Variants in CNGA3 observed in about 807,000 individuals in gnomAD.
The protein encoded by CNGA3 is cyclic nucleotide gated channel subunit alpha 3.
In CNGA3, 42 loss-of-function variants were observed where a neutral mutation model predicts 46.6. The observed-to-expected ratio is 0.90, with a 90% CI of 0.70 to 1.17. CNGA3 has a LOEUF of 1.17. Among genes scored for constraint, CNGA3 ranks in the 50% most tolerant of loss-of-function variants. The pLI, the probability that CNGA3 is intolerant of heterozygous loss-of-function variation, is 0.00. For missense variants in CNGA3, 893 were observed against 890.7 expected, an observed-to-expected ratio of 1.00 and a Z score of -0.03; for synonymous variants, 394 against 369.4, an observed-to-expected ratio of 1.07 and a Z score of -0.76.
At chr2:98,391,590 G>A in intron 6 of CNGA3, among the ~76,000 whole-genome samples, 1 of 152,156 alleles carries the variant, frequency 6.6e-6, no homozygotes, top group Non-Finnish European at 1.5e-5. Context: ...GTACCTCCTG[G>A]GATCTTGTAG....
At chr2:98,388,742 GA>G (rs1692716958) in intron 5 of CNGA3, among the ~76,000 whole-genome samples, 1 of 152,242 alleles carries the variant, frequency 6.6e-6, no homozygotes, top group Non-Finnish European at 1.5e-5. Flanking sequence ...TGGGGCACTG[GA>G]AGATACAATG....
chr2:98,383,871 T>C (rs1692589988), intron 5 of CNGA3, among the ~76,000 whole-genome samples: 1 of 152,190 alleles, frequency 6.6e-6, no homozygotes, highest in East Asian at 1.9e-4. Context: ...TTGTTTTTGC[T>C]GCTGTTGTTA....
chr2:98,365,704 T>TTGA (rs1394140007), intron 1 of CNGA3, among the ~76,000 whole-genome samples: 1 of 152,206 alleles, frequency 6.6e-6, no homozygotes, highest in East Asian at 1.9e-4. Flanking sequence ...TATTTGGCCA[T>TTGA]TGATACTTGT....
chr2:98,366,604 G>A (rs1453977546), intron 1 of CNGA3, among the ~76,000 whole-genome samples: 6 of 152,234 alleles, frequency 3.9e-5, no homozygotes, highest in Non-Finnish European at 7.3e-5. Context: ...ATTCCAGCGG[G>A]GAGGCCCTGC....
intron 2 of CNGA3, among the ~76,000 whole-genome samples, chr2:98,377,056 C>T (rs140890164): frequency 2.2e-4 from 33 of 152,220 alleles, no homozygotes; most frequent in Admixed American, 1.1e-3. Flanking sequence ...GCAAAAGGGA[C>T]GAGGGGAAGT....
chr2:98,362,549 T>C (rs1692058794), intron 1 of CNGA3, among the ~76,000 whole-genome samples: 2 of 152,152 alleles, frequency 1.3e-5, no homozygotes, highest in Non-Finnish European at 2.9e-5. Flanking sequence ...TGCTGGATGT[T>C]AGACCTTTGC....
chr2:98,396,510 A>G lies in CNGA3; in HGVS notation c.1340A>G (p.Asn447Ser). Residue 447 changes from asparagine to serine, a missense_variant, in exon 8 of 8, where the codon AAC becomes AGC. By Grantham distance (46) the Asn-to-Ser change is conservative. Around this residue, in one of 3 missense-constraint regions of CNGA3, gnomAD observed 548 missense variants for 570.8 expected, o/e 0.96. Transcript: ENST00000272602. ...VIRWFDYLWA[N>S]KKTVDEKEVL... is the part of the protein sequence containing the mutation. Reference sequence around the variant, plus strand: ...CGGTGGTTTGACTACCTGTGGGCCAACAAGAAGACGGTGGATGAGAAGGAG... The same window carrying G: ...CGGTGGTTTGACTACCTGTGGGCCAGCAAGAAGACGGTGGATGAGAAGGAG... 1 of 1,614,050 alleles carries G rather than the reference A, an allele frequency of 6.2e-7. No individual in the cohort carries two copies. The highest frequency in any genetic ancestry group is 8.5e-7 in the Non-Finnish European group (1 of 1,180,030).
At position 98,397,937 on chromosome 2, in the gene CNGA3, A is replaced by C. The variant is rs1022474670; in HGVS notation, c.*682A>C. 1 of 153,774 alleles carries C rather than the reference A, an allele frequency of 6.5e-6. No homozygotes were observed. The highest frequency in any genetic ancestry group is 1.4e-5 in the Non-Finnish European group (1 of 69,114). 9.5% of individuals were successfully genotyped at this position (153,774 alleles called of 1,614,324 possible). A position where few individuals can be genotyped will look rare whatever the true frequency, so the allele number is the denominator to read the frequency against. ...AACCAGAATCTGCTTCACAGAAAAA[A>C]GCATCTCAGTTAGGAGAAGAGACAT... On this transcript the variant is annotated 3_prime_UTR_variant, in exon 8 of 8. Coordinates refer to ENST00000272602, the MANE Select transcript of CNGA3 (RefSeq NM_001298.3).
chr2:98,375,953 T>A (rs953163333), intron 2 of CNGA3, among the ~76,000 whole-genome samples: 10 of 152,284 alleles, frequency 6.6e-5, no homozygotes, highest in African/African-American at 2.4e-4. Context: ...ATAAAATGTA[T>A]GTGGCTGGCA....
chr2:98,358,272 A>G lies in CNGA3; in HGVS notation c.-37-11667A>G, dbSNP rs372316529. 1.1e-4 allele frequency among the ~76,000 whole-genome samples: 16 copies of G among 152,368 alleles called. No homozygotes were observed. The East Asian group carries it at 3.1e-3, about 29-fold the overall frequency. On this transcript the variant is annotated intron_variant, in intron 1 of 7. Transcript: ENST00000272602. ...TATTCGGCCTTTCCTATAGGAATTG[A>G]CCAATCAAATAATTAAGAGTAAAAT...
At chr2:98,376,619 T>C (rs866888337) in intron 2 of CNGA3, among the ~76,000 whole-genome samples, 15 of 152,170 alleles carry the variant, frequency 9.9e-5, no homozygotes, top group Middle Eastern at 3.4e-3. Context: ...GCCACCGTGA[T>C]GCAAGGACTC....
Position 98,396,709 on chromosome 2 carries a change from A to C in CNGA3, c.1539A>C (p.Gly513=), listed in dbSNP as rs762036262. Residue 513 remains glycine, a synonymous_variant, in exon 8 of 8, where the codon GGA becomes GGC. Transcript: ENST00000272602. ...FSPGDYICKK[G]DIGKEMYIIN... Reference sequence around the variant, plus strand: ...CTGGGGATTATATCTGCAAGAAGGGAGATATTGGGAAGGAGATGTACATCA... The same window carrying C: ...CTGGGGATTATATCTGCAAGAAGGGCGATATTGGGAAGGAGATGTACATCA... 1 of 1,614,014 alleles carries C rather than the reference A, an allele frequency of 6.2e-7. No individual in the cohort carries two copies.
chr2:98,393,514 G>A (rs1272097978), intron 7 of CNGA3, among the ~76,000 whole-genome samples: 6 of 152,192 alleles, frequency 3.9e-5, no homozygotes, highest in East Asian at 1.9e-4. Flanking sequence ...GGTGCCTAGC[G>A]TCATAACTTA....
chr2:98,374,815 C>T (rs1229868866), intron 2 of CNGA3, among the ~76,000 whole-genome samples: 1 of 152,218 alleles, frequency 6.6e-6, no homozygotes, highest in African/African-American at 2.4e-5. Context: ...TGGGGCAACG[C>T]ATAGGGAAAA....
intron 1 of CNGA3, among the ~76,000 whole-genome samples, chr2:98,351,878 A>G: frequency 6.6e-6 from 1 of 152,176 alleles, no homozygotes; most frequent in East Asian, 1.9e-4. Flanking sequence ...CATGCCACAA[A>G]TGTCACCCAT....
At chr2:98,390,053 G>C (rs975153221) in intron 6 of CNGA3, among the ~76,000 whole-genome samples, 1 of 152,188 alleles carries the variant, frequency 6.6e-6, no homozygotes, top group Non-Finnish European at 1.5e-5. Context: ...GAGGATGCAG[G>C]GGCGGTTGCT....
chr2:98,361,634 A>C (rs1257206792), intron 1 of CNGA3, among the ~76,000 whole-genome samples: 2 of 150,630 alleles, frequency 1.3e-5, no homozygotes, highest in East Asian at 3.9e-4. Flanking sequence ...GAACTAACTT[A>C]CACTCCCACC....
In CNGA3 at chr2:98,396,084, A is replaced by G. The variant is rs1574390612; in HGVS notation, c.914A>G (p.Asn305Ser). The change falls in exon 8 of 8, where the codon AAC (asparagine) becomes AGC (serine). Residue 305 changes from asparagine (N) to serine (S), a missense_variant. By Grantham distance (46) the Asn-to-Ser change is conservative. Around this residue, in one of 3 missense-constraint regions of CNGA3, gnomAD observed 548 missense variants for 570.8 expected, o/e 0.96. Coordinates refer to ENST00000272602, the MANE Select transcript of CNGA3 (RefSeq NM_001298.3). ...TACCCCAATATGTTCAGGATTGGGA[A>G]CTTGGTCTTGTACATTCTCATCATC... Reference protein sequence around the residue: ...TNYPNMFRIGNLVLYILIIIH... With the variant: ...TNYPNMFRIGSLVLYILIIIH... 5.0e-6 allele frequency: 8 copies of G among 1,614,240 alleles called. No homozygotes were observed. The highest frequency in any genetic ancestry group is 6.8e-6 in the Non-Finnish European group (8 of 1,180,044).
chr2:98,391,841 C>T (rs954358826), intron 6 of CNGA3, 23 bp from the exon 7 acceptor site: 2 of 1,608,258 alleles, frequency 1.2e-6, no homozygotes, highest in Non-Finnish European at 1.7e-6. Flanking sequence ...CACAGCCATC[C>T]ATCTCCCACA....
Sources: gnomAD v4.1 joint callset for allele counts (sites outside exome capture counted in the v4.1 genomes callset) on GRCh38, gnomAD v4.1.1 for gene constraint, gnomAD v4.1.1 regional missense constraint, MANE v1.5 for transcripts, NCBI Gene and HGNC (gene_info 2026-07-23, HGNC 2026-07-21) for gene names.